RMDN2: variants seen among roughly 807,000 people sequenced by gnomAD.
RMDN2 encodes regulator of microtubule dynamics protein 2.
In RMDN2, 61 loss-of-function variants were observed where a neutral mutation model predicts 52.8. The observed-to-expected ratio is 1.16, with a 90% CI of 0.94 to 1.43. The LOEUF (loss-of-function observed/expected upper bound fraction) is 1.43, where lower values mean the gene tolerates loss of function less well. Ranked by LOEUF, RMDN2 falls within the 40% of genes most tolerant of loss-of-function variation. The pLI, the probability that RMDN2 is intolerant of heterozygous loss-of-function variation, is 0.00. For synonymous variants in RMDN2, 180 were observed against 153.1 expected (o/e 1.18, Z -1.30); for missense variants, 592 against 475.3 (o/e 1.25, Z -2.28).
At chr2:38,050,360 A>T (rs9749902) in intron 10 of RMDN2, among the ~76,000 whole-genome samples, 7 of 142,166 alleles carry the variant, frequency 4.9e-5, no homozygotes, top group East Asian at 2.0e-4. Context: ...AAAAAAAAAT[A>T]AAAAAAAAAC....
chr2:37,929,353 T>G lies in RMDN2; in HGVS notation c.76T>G (p.Trp26Gly). The G allele has an allele frequency of 6.4e-7, 1 of 1,552,044 alleles. No individual in the cohort carries two copies. Among genetic ancestry groups the G allele is most frequent in the South Asian group, 1.2e-5 (1 of 84,058 alleles). The stretch of plus-strand genomic sequence containing the variant: ...TGCTGGAATCAGCTTGCTGCTCTTG[T>G]GGTACCACAAGGTCCGTAAACCAGG... Reference protein sequence around the residue: ...GTAGISLLLLWYHKVRKPGIA... With the variant: ...GTAGISLLLLGYHKVRKPGIA... Residue 26 changes from tryptophan to glycine, a missense_variant, in exon 2 of 11, where the codon TGG becomes GGG. Trp to Gly is a radical substitution (Grantham distance 184, BLOSUM62 -2). Transcript: ENST00000354545.
chr2:37,986,286 C>T (rs1432030962), intron 5 of RMDN2, among the ~76,000 whole-genome samples: 1 of 152,036 alleles, frequency 6.6e-6, no homozygotes, highest in Non-Finnish European at 1.5e-5. Flanking sequence ...AGGCCTACTT[C>T]TATTGAAAAA....
chr2:37,945,467 C>T (rs1194010588), intron 2 of RMDN2, among the ~76,000 whole-genome samples: 1 of 152,164 alleles, frequency 6.6e-6, no homozygotes, highest in African/African-American at 2.4e-5. Flanking sequence ...TGTCCAACAT[C>T]CATTCACTCT....
At chr2:37,958,474 T>G (rs879932943) in intron 2 of RMDN2, among the ~76,000 whole-genome samples, 18 of 151,064 alleles carry the variant, frequency 1.2e-4, no homozygotes, top group Non-Finnish European at 2.1e-4. Context: ...TTGTGATTTT[T>G]GCACATTTAT....
intron 10 of RMDN2, among the ~76,000 whole-genome samples, chr2:38,009,614 A>AT (rs1217220829): frequency 5.3e-5 from 8 of 151,750 alleles, no homozygotes; most frequent in Admixed American, 3.9e-4. Flanking sequence ...CATTCATCTA[A>AT]TTTTTTTTCA....
At chr2:37,940,207 A>G (rs1231309073) in intron 2 of RMDN2, among the ~76,000 whole-genome samples, 3 of 151,800 alleles carry the variant, frequency 2.0e-5, no homozygotes, top group African/African-American at 4.8e-5. Flanking sequence ...TTAAATATTT[A>G]CCCCCACTCT....
At chr2:37,943,203 G>A (rs1208741236) in intron 2 of RMDN2, among the ~76,000 whole-genome samples, 3 of 152,214 alleles carry the variant, frequency 2.0e-5, no homozygotes, top group African/African-American at 7.2e-5. Flanking sequence ...TGTAGCATGG[G>A]AAGAGAGAAG....
chr2:38,050,654 G>A (rs946333330), intron 10 of RMDN2, among the ~76,000 whole-genome samples: 6 of 152,290 alleles, frequency 3.9e-5, no homozygotes, highest in African/African-American at 1.4e-4. Flanking sequence ...AAAGTTGGTT[G>A]AGAGAAGACA....
chr2:37,964,234 CG>C (rs1670734717), intron 2 of RMDN2, among the ~76,000 whole-genome samples: 1 of 152,136 alleles, frequency 6.6e-6, no homozygotes, highest in Non-Finnish European at 1.5e-5. Context: ...GGCTGCCGGG[CG>C]GAGGGGCTCC....
chr2:38,004,172 A>C lies in RMDN2; in HGVS notation c.1135A>C (p.Lys379Gln). The C allele has an allele frequency of 6.2e-7, 1 of 1,613,818 alleles. No homozygotes were observed. The highest frequency in any genetic ancestry group is 2.2e-5 in the East Asian group (1 of 44,798). The change falls in exon 10 of 11, where the codon AAG (lysine) becomes CAG (glutamine). Residue 379 changes from lysine (K) to glutamine (Q), a missense_variant. By Grantham distance (53) the Lys-to-Gln change is moderately conservative (BLOSUM62 1). Coordinates refer to ENST00000354545, the MANE Select transcript of RMDN2 (RefSeq NM_001170791.3). ...TCTTGAGGAAAACCAGAATGCTTTG[A>C]AGTTCTGTAATTTGGCTTTATTGCT... ...TDLEENQNAL[K>Q]FCNLALLLPT...
chr2:37,989,881 C>T (rs113867671), intron 6 of RMDN2, among the ~76,000 whole-genome samples: 18,961 of 152,168 alleles, frequency 0.12, 1,433 homozygotes, highest in Non-Finnish European at 0.17. Flanking sequence ...CAGAGGCTCA[C>T]GCCTGTAATC....
intron 8 of RMDN2, among the ~76,000 whole-genome samples, chr2:37,998,763 C>G (rs987312214): frequency 6.6e-5 from 10 of 152,066 alleles, no homozygotes; most frequent in Non-Finnish European, 1.5e-4. Context: ...CTGTACATTT[C>G]TTATTTTTTA....
At chr2:37,979,726 C>G (rs1276982790) in intron 4 of RMDN2, among the ~76,000 whole-genome samples, 4 of 152,224 alleles carry the variant, frequency 2.6e-5, no homozygotes, top group African/African-American at 9.6e-5. Flanking sequence ...ATAAGTGAGG[C>G]TATGAATCTA....
downstream of RMDN2, chr2:38,017,874 C>T (rs1015175630): frequency 1.1e-5 from 2 of 179,206 alleles, no homozygotes; most frequent in Non-Finnish European, 2.3e-5. Flanking sequence ...AGGGTGGGGC[C>T]ATTTTATAAA....
intron 10 of RMDN2, among the ~76,000 whole-genome samples, chr2:38,024,457 T>C (rs1679624760): frequency 6.6e-6 from 1 of 152,194 alleles, no homozygotes; most frequent in Non-Finnish European, 1.5e-5. Flanking sequence ...GGTCAGTCTT[T>C]TTCATTTTAG....
intron 1 of RMDN2, chr2:37,928,915 T>C (rs1229895559): frequency 6.4e-6 from 1 of 156,356 alleles, no homozygotes; most frequent in East Asian, 1.8e-4. Context: ...TTTTCTCCTT[T>C]TCCTGCCTTC....
At chr2:37,967,432 A>G (rs1671207076) in intron 2 of RMDN2, among the ~76,000 whole-genome samples, 1 of 152,198 alleles carries the variant, frequency 6.6e-6, no homozygotes, top group Admixed American at 6.5e-5. Flanking sequence ...CCTGAAGACA[A>G]AGTACAATCA....
chr2:37,990,172 G>T (rs949723365), intron 6 of RMDN2, among the ~76,000 whole-genome samples: 1 of 148,444 alleles, frequency 6.7e-6, no homozygotes, highest in Non-Finnish European at 1.5e-5. Flanking sequence ...ATTATTATTA[G>T]TCCAGATTCT....
chr2:38,005,403 G>A (rs1676938894), intron 10 of RMDN2, among the ~76,000 whole-genome samples: 1 of 152,140 alleles, frequency 6.6e-6, no homozygotes, highest in South Asian at 2.1e-4. Flanking sequence ...TCTAACTGGT[G>A]TGAGATGGTG....
Sources: gnomAD v4.1 joint callset for allele counts (sites outside exome capture counted in the v4.1 genomes callset) on GRCh38, gnomAD v4.1.1 for gene constraint, MANE v1.5 for transcripts, NCBI Gene and HGNC (gene_info 2026-07-23, HGNC 2026-07-21) for gene names.